Variants in ZNF91 observed in about 807,000 individuals in gnomAD.
ZNF91 encodes the protein zinc finger protein 91.
Under a neutral mutation model 12.6 loss-of-function variants are expected in ZNF91, and 7 were observed. That is an observed-to-expected ratio of 0.55 (90% CI 0.31 to 1.04). The LOEUF (loss-of-function observed/expected upper bound fraction) is 1.04, where lower values mean the gene tolerates loss of function less well. ZNF91 is among the 50% of genes least tolerant of loss of function. The probability of loss-of-function intolerance (pLI) is 0.05; values close to 1 mark genes in which losing one functional copy is unlikely to be tolerated. For synonymous variants in ZNF91, 453 were observed against 462.6 expected (o/e 0.98, Z 0.27); for missense variants, 1,217 against 1,385.4 (o/e 0.88, Z 1.93).
chr19:23,373,374 ATATATAT>A (rs1969367548), intron 3 of ZNF91, among the ~76,000 whole-genome samples: 2 of 86,534 alleles, frequency 2.3e-5, no homozygotes, highest in African/African-American at 8.3e-5. Context: ...ATATATATAT[ATATATAT>A]ATATAAATAA....
At chr19:23,308,778 T>G (rs1487228306) in intron 2 of ZNF91, 1 of 152,238 alleles carries the variant, frequency 6.6e-6, no homozygotes, top group Non-Finnish European at 1.5e-5. Flanking sequence ...TCTGACATTC[T>G]CACCAAGGTG....
At chr19:23,313,164 T>A (rs1967498666), upstream of ZNF91, among the ~76,000 whole-genome samples, 1 of 152,238 alleles carries the variant, frequency 6.6e-6, no homozygotes, top group Non-Finnish European at 1.5e-5. Flanking sequence ...ATTGTAAATA[T>A]CATTCTATGA....
chr19:23,322,366 C>T (rs1967714308), intron 1 of ZNF91, among the ~76,000 whole-genome samples: 1 of 152,172 alleles, frequency 6.6e-6, no homozygotes, highest in Non-Finnish European at 1.5e-5. Flanking sequence ...TGATGTATCA[C>T]TAGGCCCAGC....
chr19:23,335,489 G>A (rs550397264), downstream of ZNF91, among the ~76,000 whole-genome samples: 69 of 152,248 alleles, frequency 4.5e-4, no homozygotes, highest in Middle Eastern at 3.4e-3. Flanking sequence ...CAAACTTCCC[G>A]GCTGCTTTGT....
chr19:23,373,560 G>A (rs889526011), intron 3 of ZNF91, among the ~76,000 whole-genome samples, 182 bp downstream of exon 3: 1 of 151,750 alleles, frequency 6.6e-6, no homozygotes, highest in Non-Finnish European at 1.5e-5. Context: ...TGAAGGGAAA[G>A]TAGAATTCTT....
intron 3 of ZNF91, among the ~76,000 whole-genome samples, chr19:23,368,562 C>CTCTATATATATA (rs768532900): frequency 7.6e-5 from 9 of 118,578 alleles, no homozygotes; most frequent in African/African-American, 3.0e-4. Flanking sequence ...CTCTCTCTCT[C>CTCTATATATATA]TATATATATA....
At chr19:23,323,508 TTCTTCTCCTCTAC>T (rs1324264813) in intron 1 of ZNF91, among the ~76,000 whole-genome samples, 1 of 125,558 alleles carries the variant, frequency 8.0e-6, no homozygotes, top group African/African-American at 3.5e-5. Flanking sequence ...TCCTTTTCCT[TTCTTCTCCTCTAC>T]TCTTCTCCTC....
chr19:23,383,460 G>C (rs987120119), intron 1 of ZNF91, among the ~76,000 whole-genome samples: 1 of 152,164 alleles, frequency 6.6e-6, no homozygotes, highest in African/African-American at 2.4e-5. Context: ...GGCCAAGGCA[G>C]GTGGATCGCC....
downstream of ZNF91, among the ~76,000 whole-genome samples, chr19:23,337,216 T>C (rs1158241462): frequency 1.3e-5 from 2 of 148,534 alleles, no homozygotes; most frequent in Non-Finnish European, 2.9e-5. Flanking sequence ...TTTCTGAGAC[T>C]TAGACTTAGA....
chr19:23,384,989 A>C (rs1477283584), intron 1 of ZNF91: 2 of 1,149,524 alleles, frequency 1.7e-6, no homozygotes, highest in Non-Finnish European at 2.6e-6. Context: ...GAAAAAGGTC[A>C]GGAGAAAAGC....
rs1968792838 is a variant in ZNF91, at chr19:23,361,879, T to C, written c.1100A>G (p.Asn367Ser). ...KAFSNSSTLANHKITHTEEKP... is the reference protein window; with the variant it reads ...KAFSNSSTLASHKITHTEEKP... The stretch of plus-strand genomic sequence containing the variant: ...CTCTTCAGTATGAGTTATCTTATGA[T>C]TAGCAAGGGTTGAGGAATTGCTAAA... Residue 367 changes from asparagine to serine, a missense_variant, in exon 4 of 4, where the codon AAT becomes AGT. Physicochemically the swap from Asn to Ser is conservative, Grantham distance 46. Coordinates refer to ENST00000300619, the MANE Select transcript of ZNF91 (RefSeq NM_003430.4). 2 of 1,612,914 alleles carry C rather than the reference T, an allele frequency of 1.2e-6. No individual in the cohort carries two copies. Among genetic ancestry groups the C allele is most frequent in the African/African-American group, 2.7e-5 (2 of 74,772 alleles).
At chr19:23,313,728 A>G (rs779181279), upstream of ZNF91, among the ~76,000 whole-genome samples, 11 of 152,156 alleles carry the variant, frequency 7.2e-5, no homozygotes, top group Non-Finnish European at 1.0e-4. Context: ...CATTAGGAGG[A>G]AGTTAAAAGT....
At chr19:23,328,496 G>C (rs1967875400) in intron 1 of ZNF91, 1 of 152,198 alleles carries the variant, frequency 6.6e-6, no homozygotes. Flanking sequence ...AAAAGACACT[G>C]AATGAGGTGA....
At chr19:23,305,241 A>G (rs369772131) in intron 3 of ZNF91, 2 of 152,214 alleles carry the variant, frequency 1.3e-5, no homozygotes, top group Admixed American at 6.5e-5. Flanking sequence ...ATATAAATAT[A>G]TCTATGTAAT....
chr19:23,364,040 C>T (rs1236797264), intron 3 of ZNF91, among the ~76,000 whole-genome samples: 1 of 152,102 alleles, frequency 6.6e-6, no homozygotes, highest in Non-Finnish European at 1.5e-5. Context: ...CAGGCCAGGC[C>T]AGGCATGGTG....
intron 3 of ZNF91, among the ~76,000 whole-genome samples, chr19:23,347,084 TG>T (rs200486931): frequency 0.012 from 1,794 of 151,952 alleles, 31 homozygotes; most frequent in African/African-American, 0.041. Flanking sequence ...ACATCAAGGA[TG>T]CCGGCATGCT....
At chr19:23,353,943 A>T (rs1968427007), downstream of ZNF91, among the ~76,000 whole-genome samples, 1 of 152,190 alleles carries the variant, frequency 6.6e-6, no homozygotes, top group Non-Finnish European at 1.5e-5. Flanking sequence ...GTGAGATTAA[A>T]ATGGTAATTT....
intron 3 of ZNF91, among the ~76,000 whole-genome samples, chr19:23,340,775 G>T (rs1003875687): frequency 2.0e-5 from 3 of 147,236 alleles, no homozygotes; most frequent in Admixed American, 2.0e-4. Context: ...TAGACAAATG[G>T]AAATCAAACT....
Position 23,359,529 on chromosome 19 carries a change from A to G in ZNF91, c.3450T>C (p.Thr1150=), listed in dbSNP as rs1203148565. The G allele has an allele frequency of 6.2e-7, 1 of 1,614,002 alleles. No individual in the cohort carries two copies. ...TGATAGTATGAATTTTCTTATGGTT[A>G]GTAAGGATTGAAGACTGGTTAAAGG... ...GKAFNQSSIL[T]NHKKIHTITP... The change falls in exon 4 of 4, where the codon ACT becomes ACC. Residue 1150 remains threonine, a synonymous_variant. Coordinates refer to ENST00000300619, the MANE Select transcript of ZNF91 (RefSeq NM_003430.4).
Sources: allele counts gnomAD v4.1 joint callset (sites outside exome capture counted in the v4.1 genomes callset), GRCh38; gene constraint gnomAD v4.1.1; transcripts MANE v1.5; gene names NCBI Gene and HGNC (gene_info 2026-07-23, HGNC 2026-07-21).